The following GULP1 variants were observed in gnomAD, a reference collection of about 807,000 sequenced individuals.
The protein encoded by GULP1 is GULP PTB domain containing engulfment adaptor 1.
A neutral mutation model predicts 40.9 loss-of-function variants in GULP1; 19 were observed. The observed-to-expected ratio is 0.46, with a 90% CI of 0.32 to 0.68. The LOEUF is 0.68. GULP1 is among the 30% of genes least tolerant of loss of function. GULP1 has a pLI of 0.03. For missense variants in GULP1, 312 were observed against 362.2 expected, an observed-to-expected ratio of 0.86 and a Z score of 1.12; for synonymous variants, 119 against 117.6, an observed-to-expected ratio of 1.01 and a Z score of -0.08.
intron 7 of GULP1, among the ~76,000 whole-genome samples, chr2:188,568,568 C>T (rs1698329021): frequency 6.6e-6 from 1 of 152,106 alleles, no homozygotes. Context: ...TGTGTTTTAC[C>T]AAAATACAAA....
At chr2:188,481,982 A>G (rs1380592577) in intron 3 of GULP1, among the ~76,000 whole-genome samples, 3 of 151,948 alleles carry the variant, frequency 2.0e-5, no homozygotes, top group Non-Finnish European at 2.9e-5. Flanking sequence ...TAAGATGACA[A>G]TCCTTATAGA....
At chr2:188,461,524 C>CA (rs1300426483) in intron 2 of GULP1, among the ~76,000 whole-genome samples, 1 of 151,832 alleles carries the variant, frequency 6.6e-6, no homozygotes, top group African/African-American at 2.4e-5. Context: ...AGGCTGGACT[C>CA]AAACTCCCGA....
chr2:188,545,797 A>G (rs1240389628), intron 7 of GULP1, among the ~76,000 whole-genome samples: 4 of 151,996 alleles, frequency 2.6e-5, no homozygotes, highest in African/African-American at 9.7e-5. Context: ...GGTGGATTAC[A>G]AAACATAATC....
chr2:188,394,936 C>T (rs1313938386), intron 2 of GULP1, among the ~76,000 whole-genome samples: 1 of 152,220 alleles, frequency 6.6e-6, no homozygotes, highest in Non-Finnish European at 1.5e-5. Context: ...AAGCTTATCT[C>T]ATTCCCCTGT....
chr2:188,553,596 G>C (rs1462136896), intron 7 of GULP1, among the ~76,000 whole-genome samples: 2 of 151,948 alleles, frequency 1.3e-5, no homozygotes, highest in African/African-American at 2.4e-5. Flanking sequence ...TGTTCATCAG[G>C]AATATTGACC....
At chr2:188,408,902 G>T (rs572027904) in intron 2 of GULP1, among the ~76,000 whole-genome samples, 1 of 151,750 alleles carries the variant, frequency 6.6e-6, no homozygotes, top group Non-Finnish European at 1.5e-5. Flanking sequence ...TAAACCAACG[G>T]GTCAAAAAAG....
chr2:188,584,325 C>G lies in GULP1; in HGVS notation c.670C>G (p.Pro224Ala), dbSNP rs765450501. The change falls in exon 10 of 12, where the codon CCA becomes GCA. Residue 224 changes from proline to alanine, a missense_variant. Transcript: ENST00000409830. ...TDIFDMIPFS[P>A]ISHQSSMPTR... Reference sequence around the variant, plus strand: ...CATCTTTGATATGATTCCATTTTCTCCAATATCACACCAGTCTTCGATGCC... The same window carrying G: ...CATCTTTGATATGATTCCATTTTCTGCAATATCACACCAGTCTTCGATGCC... The G allele has an allele frequency of 6.2e-7, 1 of 1,605,652 alleles. No homozygotes were observed.
intron 1 of GULP1, among the ~76,000 whole-genome samples, chr2:188,332,532 A>T (rs1171708723): frequency 6.6e-6 from 1 of 152,160 alleles, no homozygotes; most frequent in Non-Finnish European, 1.5e-5. Context: ...GATCTGTGCC[A>T]GTCATGAGAG....
At chr2:188,352,615 C>G (rs547437741) in intron 1 of GULP1, among the ~76,000 whole-genome samples, 23 of 106,248 alleles carry the variant, frequency 2.2e-4, no homozygotes, top group Non-Finnish European at 3.8e-4. Flanking sequence ...CTCTCTCTCT[C>G]TCTCACACAC....
chr2:188,457,453 C>T (rs1322274466), intron 2 of GULP1, among the ~76,000 whole-genome samples: 2 of 152,122 alleles, frequency 1.3e-5, no homozygotes, highest in Admixed American at 6.5e-5. Context: ...TTCTCTTTGC[C>T]TGTTGCCATC....
At chr2:188,567,854 A>G (rs1698128928) in intron 7 of GULP1, among the ~76,000 whole-genome samples, 1 of 152,204 alleles carries the variant, frequency 6.6e-6, no homozygotes, top group African/African-American at 2.4e-5. Context: ...AACAGAAAAC[A>G]AATTATTCAT....
At chr2:188,465,364 C>T (rs1246081236) in intron 2 of GULP1, among the ~76,000 whole-genome samples, 1 of 151,946 alleles carries the variant, frequency 6.6e-6, no homozygotes, top group Non-Finnish European at 1.5e-5. Flanking sequence ...CCTGCCCTGG[C>T]TGAGCTGGTA....
intron 7 of GULP1, among the ~76,000 whole-genome samples, chr2:188,548,314 G>A (rs569944880): frequency 2.6e-5 from 4 of 152,176 alleles, no homozygotes; most frequent in Admixed American, 2.0e-4. Context: ...CAATTGTATT[G>A]CTGTATACTA....
intron 1 of GULP1, among the ~76,000 whole-genome samples, chr2:188,349,539 T>A (rs951862955): frequency 6.6e-6 from 1 of 152,202 alleles, no homozygotes; most frequent in Non-Finnish European, 1.5e-5. Flanking sequence ...CTGTATATCT[T>A]CTTTAGAGAA....
chr2:188,305,445 C>A (rs1040752118), intron 1 of GULP1, among the ~76,000 whole-genome samples: 1 of 152,182 alleles, frequency 6.6e-6, no homozygotes, highest in Admixed American at 6.5e-5. Flanking sequence ...CTTTTCTTGG[C>A]CCCTCTGTGT....
At chr2:188,383,088 CA>C in intron 1 of GULP1, among the ~76,000 whole-genome samples, 1 of 152,100 alleles carries the variant, frequency 6.6e-6, no homozygotes, top group Non-Finnish European at 1.5e-5. Flanking sequence ...AGTGTTTTGG[CA>C]AAAGATACTA....
intron 1 of GULP1, among the ~76,000 whole-genome samples, chr2:188,342,571 A>G (rs2043117084): frequency 6.6e-6 from 1 of 152,146 alleles, no homozygotes; most frequent in Non-Finnish European, 1.5e-5. Context: ...GGGGACCACT[A>G]TTTTTAAACC....
At chr2:188,311,513 T>C (rs2038101140) in intron 1 of GULP1, among the ~76,000 whole-genome samples, 1 of 152,060 alleles carries the variant, frequency 6.6e-6, no homozygotes, top group Non-Finnish European at 1.5e-5. Flanking sequence ...CTTTTCCTTT[T>C]TGTGACTTCA....
At chr2:188,370,579 C>T (rs1421718870) in intron 1 of GULP1, among the ~76,000 whole-genome samples, 2 of 152,162 alleles carry the variant, frequency 1.3e-5, no homozygotes, top group Non-Finnish European at 2.9e-5. Context: ...GACTTAAAAA[C>T]ACATAAACCA....
Sources: gnomAD v4.1 joint callset for allele counts (sites outside exome capture counted in the v4.1 genomes callset) on GRCh38, gnomAD v4.1.1 for gene constraint, MANE v1.5 for transcripts, NCBI Gene and HGNC (gene_info 2026-07-23, HGNC 2026-07-21) for gene names.